The following NTSR1 variants were observed in gnomAD, a reference collection of about 807,000 sequenced individuals.
The protein encoded by NTSR1 is neurotensin receptor 1, also known as neurotensin receptor type 1.
A neutral mutation model predicts 31.2 loss-of-function variants in NTSR1; 29 were observed. The ratio of observed to expected loss-of-function variants is 0.93; its 90% confidence interval spans 0.69 to 1.27. NTSR1 has a LOEUF of 1.27. NTSR1 is among the 50% of genes most tolerant of loss of function. The pLI is 0.00. For synonymous variants in NTSR1, 282 were observed against 269.9 expected (o/e 1.04, Z -0.44); for missense variants, 697 against 595.4 (o/e 1.17, Z -1.78).
At chr20:62,720,249 G>A (rs1458379923) in intron 1 of NTSR1, among the ~76,000 whole-genome samples, 2 of 152,148 alleles carry the variant, frequency 1.3e-5, no homozygotes, top group South Asian at 2.1e-4. Flanking sequence ...GCAATGAACC[G>A]AGATCACGCC....
Position 62,711,985 on chromosome 20 carries a change from A to G in NTSR1, c.714+2064A>G, listed in dbSNP as rs1000026060. Among the ~76,000 whole-genome samples, 1 of 152,216 alleles carries G rather than the reference A, an allele frequency of 6.6e-6. No homozygotes were observed. The highest frequency in any genetic ancestry group is 2.4e-5 in the African/African-American group (1 of 41,472). On this transcript the variant is annotated intron_variant, in intron 1 of 3. Transcript: ENST00000370501. The surrounding 1 kb of genome is among the most constrained non-coding windows in gnomAD (Gnocchi z 6.4). ...GCGTTGCTGAAGGCACCCTTGGAGA[A>G]CGTAGTTTCCATTTTTCTTTAAAGG...
Position 62,733,403 on chromosome 20 carries a change from G to A in NTSR1, c.715-21282G>A, listed in dbSNP as rs1433038656. On this transcript the variant is annotated intron_variant, in intron 1 of 3. Transcript: ENST00000370501. This position sits in a 1 kb window ranked among gnomAD's most constrained non-coding sequence, Gnocchi z 5.2. ...CCGGGAGCAAATGAGCATCTCTCGGGACAGTTGTGTTTCCCTTGGGCAGGG... is the reference window on the plus strand; with the variant it reads ...CCGGGAGCAAATGAGCATCTCTCGGAACAGTTGTGTTTCCCTTGGGCAGGG... Among the ~76,000 whole-genome samples the A allele has an allele frequency of 6.6e-6, 1 of 152,196 alleles. No homozygotes were observed. Among genetic ancestry groups the A allele is most frequent in the Admixed American group, 6.5e-5 (1 of 15,284 alleles).
At position 62,711,578 on chromosome 20, in the gene NTSR1, G is replaced by A. The variant is rs1357615571; in HGVS notation, c.714+1657G>A. ...CCCCACTCAGACCCCCGATCCCCCCGCTCAGATCCCCGATCCCCCCGCTCA... is the reference window on the plus strand; with the variant it reads ...CCCCACTCAGACCCCCGATCCCCCCACTCAGATCCCCGATCCCCCCGCTCA... On this transcript the variant is annotated intron_variant, in intron 1 of 3. Coordinates refer to ENST00000370501, the MANE Select transcript of NTSR1 (RefSeq NM_002531.3). The surrounding 1 kb of genome is among the most constrained non-coding windows in gnomAD (Gnocchi z 6.4). Among the ~76,000 whole-genome samples the A allele has an allele frequency of 1.7e-3, 53 of 31,682 alleles. No individual in the cohort carries two copies. The highest frequency in any genetic ancestry group is 6.4e-3 in the African/African-American group (48 of 7,464). The allele number at this position is 31,682 out of a possible 152,430, so 20.8% of individuals were successfully genotyped here.
intron 1 of NTSR1, among the ~76,000 whole-genome samples, chr20:62,750,732 C>A (rs1989380378): frequency 6.6e-6 from 1 of 150,658 alleles, no homozygotes; most frequent in South Asian, 2.1e-4. Flanking sequence ...ATTGCACACT[C>A]AAAATGTCCT....
At chr20:62,720,114 A>T (rs973536708) in intron 1 of NTSR1, among the ~76,000 whole-genome samples, 2 of 152,204 alleles carry the variant, frequency 1.3e-5, no homozygotes, top group East Asian at 3.8e-4. Context: ...AGCCTGGCCA[A>T]CAGGATGAAA....
At chr20:62,726,411 CCAG>C (rs1988907662) in intron 1 of NTSR1, among the ~76,000 whole-genome samples, 1 of 152,164 alleles carries the variant, frequency 6.6e-6, no homozygotes, top group Admixed American at 6.5e-5. Flanking sequence ...GAGACCAGGC[CCAG>C]GAGTGTGGGC....
At chr20:62,717,678 G>A (rs775664128) in intron 1 of NTSR1, among the ~76,000 whole-genome samples, 12 of 152,186 alleles carry the variant, frequency 7.9e-5, no homozygotes, top group Non-Finnish European at 1.3e-4. Flanking sequence ...GGAGGGCTGG[G>A]AGCCTCCCCA....
intron 1 of NTSR1, among the ~76,000 whole-genome samples, chr20:62,736,608 T>C (rs1989098287): frequency 6.6e-6 from 1 of 152,176 alleles, no homozygotes; most frequent in South Asian, 2.1e-4. Context: ...CTCCGAGGAC[T>C]CCGAGGCCCT....
intron 1 of NTSR1, among the ~76,000 whole-genome samples, chr20:62,753,459 G>C (rs979854452): frequency 2.6e-5 from 4 of 152,174 alleles, no homozygotes; most frequent in Non-Finnish European, 5.9e-5. Flanking sequence ...GGAATCCCAC[G>C]GCAGATACCC....
rs1186487302 is a variant in NTSR1, at chr20:62,745,545, C to T, written c.715-9140C>T. On this transcript the variant is annotated intron_variant, in intron 1 of 3. Transcript: ENST00000370501. This position sits in a 1 kb window ranked among gnomAD's most constrained non-coding sequence, Gnocchi z 4.1. ...AGACAGAGACACAGAGGAAAACACA[C>T]AGATATACAGAGAGAGACACAACAG... Among the ~76,000 whole-genome samples, 1 of 151,964 alleles carries T rather than the reference C, an allele frequency of 6.6e-6. No homozygotes were observed. The highest frequency in any genetic ancestry group is 1.5e-5 in the Non-Finnish European group (1 of 67,992).
chr20:62,758,122 G>C lies in NTSR1; in HGVS notation c.917-144G>C, dbSNP rs558109635. 1.5e-3 allele frequency: 952 copies of C among 622,510 alleles called. 29 individuals carry two copies. The African/African-American group carries it at 0.017, about 11-fold the overall frequency. The allele number at this position is 622,510 out of a possible 1,614,324, so 38.6% of individuals were successfully genotyped here. A position where few individuals can be genotyped will look rare whatever the true frequency, so the allele number is the denominator to read the frequency against. The stretch of plus-strand genomic sequence containing the variant: ...ATGTCTCTGTGCCTCAGGTGCAGTG[G>C]GTCTCTGAGCCCACGTCTCTGTGCC... On this transcript the variant is annotated intron_variant, in intron 2 of 3. Coordinates refer to ENST00000370501, the MANE Select transcript of NTSR1 (RefSeq NM_002531.3). The surrounding 1 kb of genome is among the most constrained non-coding windows in gnomAD (Gnocchi z 4.5).
Position 62,711,213 on chromosome 20 carries a change from G to C in NTSR1, c.714+1292G>C, listed in dbSNP as rs980379772. On this transcript the variant is annotated intron_variant, in intron 1 of 3. Transcript: ENST00000370501. The surrounding 1 kb of genome is among the most constrained non-coding windows in gnomAD (Gnocchi z 6.4). ...GCACATAGAACTGGTGGCTACAGGT[G>C]TCCCATCTCGGGGAGGCCCCTCCCA... Among the ~76,000 whole-genome samples the C allele has an allele frequency of 6.6e-6, 1 of 152,176 alleles. No individual in the cohort carries two copies. The highest frequency in any genetic ancestry group is 2.4e-5 in the African/African-American group (1 of 41,442).
chr20:62,716,488 A>G (rs1988722638), intron 1 of NTSR1, among the ~76,000 whole-genome samples: 1 of 73,542 alleles, frequency 1.4e-5, no homozygotes, highest in Non-Finnish European at 3.8e-5. Flanking sequence ...GTTGTGGATC[A>G]TAGCTCGTGG....
rs967240890 is a variant in NTSR1 at position 62,733,308 on chromosome 20, ACC to A, written c.715-21376_715-21375del. Reference sequence around the variant, plus strand: ...AGCTCTGGGAAGGCTGAAAATTAGCACCAATTAGGGAAGAATGAAGCTCTTGG... The same window carrying A: ...AGCTCTGGGAAGGCTGAAAATTAGCAAATTAGGGAAGAATGAAGCTCTTGG... On this transcript the variant is annotated intron_variant, in intron 1 of 3. Transcript: ENST00000370501. This position sits in a 1 kb window ranked among gnomAD's most constrained non-coding sequence, Gnocchi z 5.2. 7 of 152,180 alleles carry A rather than the reference ACC, an allele frequency of 4.6e-5. No homozygotes were observed. The highest frequency in any genetic ancestry group is 1.7e-4 in the African/African-American group (7 of 41,438). 9.4% of individuals were successfully genotyped at this position (152,180 alleles called of 1,614,324 possible).
At chr20:62,719,318 G>A (rs1016654200) in intron 1 of NTSR1, among the ~76,000 whole-genome samples, 23 of 152,076 alleles carry the variant, frequency 1.5e-4, no homozygotes, top group Admixed American at 1.0e-3. Context: ...GTCAGTTAAT[G>A]TGGTGAATTA....
chr20:62,759,821 A>G (rs1432729051), intron 3 of NTSR1, among the ~76,000 whole-genome samples, 197 bp from the exon 4 acceptor site: 4 of 151,362 alleles, frequency 2.6e-5, no homozygotes, highest in African/African-American at 9.7e-5. Context: ...CGGGAGCACG[A>G]CGAGAACTTG....
At chr20:62,746,716 C>G (rs78415650) in intron 1 of NTSR1, among the ~76,000 whole-genome samples, 1 of 152,074 alleles carries the variant, frequency 6.6e-6, no homozygotes, top group Non-Finnish European at 1.5e-5. Context: ...GAGTCAATCG[C>G]GAGAAATGGA....
chr20:62,740,698 G>A (rs1051707404), intron 1 of NTSR1, among the ~76,000 whole-genome samples: 7 of 152,246 alleles, frequency 4.6e-5, no homozygotes, highest in African/African-American at 1.7e-4. Context: ...AGAGAGGTGG[G>A]GGCCGTGACC....
chr20:62,734,952 A>T (rs1989062825), intron 1 of NTSR1, among the ~76,000 whole-genome samples: 1 of 152,194 alleles, frequency 6.6e-6, no homozygotes, highest in Non-Finnish European at 1.5e-5. Flanking sequence ...GATGAGAAGC[A>T]GCCCTCGGGT....
Sources: allele counts gnomAD v4.1 joint callset (sites outside exome capture counted in the v4.1 genomes callset), GRCh38; gene constraint gnomAD v4.1.1; non-coding constraint Gnocchi (gnomAD v3.1); transcripts MANE v1.5; gene names NCBI Gene and HGNC (gene_info 2026-07-23, HGNC 2026-07-21).